Variants in SCFD2 observed in about 807,000 individuals in gnomAD.
SCFD2 encodes the protein sec1 family domain containing 2.
A neutral mutation model predicts 58.9 loss-of-function variants in SCFD2; 54 were observed. The observed-to-expected ratio is 0.92, with a 90% CI of 0.74 to 1.15. The LOEUF is 1.15. Ranked by LOEUF, SCFD2 falls within the 50% of genes most tolerant of loss-of-function variation. The probability of loss-of-function intolerance (pLI) is 0.00; values close to 1 mark genes in which losing one functional copy is unlikely to be tolerated. For synonymous variants in SCFD2, 321 were observed against 335.9 expected, an observed-to-expected ratio of 0.96 and a Z score of 0.49; for missense variants, 805 against 836.6, an observed-to-expected ratio of 0.96 and a Z score of 0.47.
At chr4:53,264,291 G>C (rs1730917036) in intron 4 of SCFD2, among the ~76,000 whole-genome samples, 1 of 152,152 alleles carries the variant, frequency 6.6e-6, no homozygotes, top group South Asian at 2.1e-4. Context: ...TAGTGATCCA[G>C]TTCCTCCAAA....
Position 53,134,298 on chromosome 4 carries a change from G to A in SCFD2, c.1561+11035C>T, listed in dbSNP as rs370211629. Among the ~76,000 whole-genome samples, 42 of 152,050 alleles carry A rather than the reference G, an allele frequency of 2.8e-4. No homozygotes were observed. The East Asian group carries it at 4.1e-3, about 15-fold the overall frequency. On this transcript the variant is annotated intron_variant, in intron 5 of 8. Coordinates refer to ENST00000401642, the MANE Select transcript of SCFD2 (RefSeq NM_152540.4). ...CATGGTGCCTATGGTTAACAATACC[G>A]TATTGTACACTTCAAAACTTAAGAG...
intron 4 of SCFD2, among the ~76,000 whole-genome samples, chr4:53,160,031 G>C (rs1171883243): frequency 1.3e-5 from 2 of 152,186 alleles, no homozygotes; most frequent in Non-Finnish European, 2.9e-5. Flanking sequence ...ATGATAGACT[G>C]GAACTATGGC....
chr4:53,152,980 C>T (rs1387326890), intron 4 of SCFD2, among the ~76,000 whole-genome samples: 1 of 152,204 alleles, frequency 6.6e-6, no homozygotes, highest in Non-Finnish European at 1.5e-5. Context: ...AGGCCTTTGA[C>T]AGCCCTGCCC....
intron 5 of SCFD2, among the ~76,000 whole-genome samples, chr4:53,057,117 G>A (rs1207888236): frequency 6.6e-6 from 1 of 152,104 alleles, no homozygotes; most frequent in Non-Finnish European, 1.5e-5. Context: ...CCTGGGAGGT[G>A]GAGATTGCAG....
chr4:53,273,700 G>A (rs1731243879), intron 4 of SCFD2, 126 bp downstream of exon 4: 15 of 839,400 alleles, frequency 1.8e-5, no homozygotes, highest in Non-Finnish European at 2.6e-5. Context: ...GGCACTTAGA[G>A]AATATGAAGC....
chr4:53,315,246 CAA>C (rs72060767), intron 2 of SCFD2, among the ~76,000 whole-genome samples: 87 of 79,526 alleles, frequency 1.1e-3, no homozygotes, highest in Non-Finnish European at 1.9e-3. Flanking sequence ...AGGAAAATGG[CAA>C]AAAAAAAAAA....
rs187064316 is a variant in SCFD2, at chr4:53,153,733, C to T, written c.1312-8151G>A. Among the ~76,000 whole-genome samples the T allele has an allele frequency of 1.9e-3, 285 of 152,274 alleles. 4 individuals are homozygous for T. Among genetic ancestry groups the T allele is most frequent in the Non-Finnish European group, 2.8e-3 (188 of 68,018 alleles). On this transcript the variant is annotated intron_variant, in intron 4 of 8. Coordinates refer to ENST00000401642, the MANE Select transcript of SCFD2 (RefSeq NM_152540.4). Reference sequence around the variant, plus strand: ...ACTACATGGCCAGATTGTGACTTTTCCAAATTTTTATGCTTTGCTTCCCTT... The same window carrying T: ...ACTACATGGCCAGATTGTGACTTTTTCAAATTTTTATGCTTTGCTTCCCTT...
intron 4 of SCFD2, among the ~76,000 whole-genome samples, chr4:53,247,454 C>T (rs1308245003): frequency 6.6e-6 from 1 of 152,168 alleles, no homozygotes; most frequent in African/African-American, 2.4e-5. Context: ...GTTCATTGCA[C>T]TATTATTCAC....
intron 5 of SCFD2, among the ~76,000 whole-genome samples, chr4:52,980,750 T>A (rs985414307): frequency 7.9e-5 from 12 of 152,170 alleles, no homozygotes; most frequent in Admixed American, 7.2e-4. Context: ...GACAGGTAAA[T>A]ATTATTTACT....
rs1227077734 is a variant in SCFD2 at position 53,247,753 on chromosome 4, C to T, written c.1311+26073G>A. ...GCGGGCGCCTGTAGTCCCAGCTACT[C>T]GGGAGGCTGAGGCAGGAGAATGGCG... is the stretch of plus-strand genomic sequence containing the variant. On this transcript the variant is annotated intron_variant, in intron 4 of 8. Coordinates refer to ENST00000401642, the MANE Select transcript of SCFD2 (RefSeq NM_152540.4). Among the ~76,000 whole-genome samples, 58 of 141,810 alleles carry T rather than the reference C, an allele frequency of 4.1e-4. 1 individual carries two copies. Among genetic ancestry groups the T allele is most frequent in the Non-Finnish European group, 1.7e-4 (11 of 66,046 alleles). The allele number at this position is 141,810 out of a possible 152,430, so 93.0% of individuals were successfully genotyped here.
At chr4:53,254,968 G>A (rs1203676259) in intron 4 of SCFD2, among the ~76,000 whole-genome samples, 2 of 150,444 alleles carry the variant, frequency 1.3e-5, no homozygotes, top group Admixed American at 6.6e-5. Flanking sequence ...CGCCTCCTGG[G>A]TTCACGCCAT....
intron 5 of SCFD2, among the ~76,000 whole-genome samples, chr4:53,056,723 G>A (rs1026127716): frequency 6.6e-6 from 1 of 152,078 alleles, no homozygotes; most frequent in Non-Finnish European, 1.5e-5. Context: ...AATAACTTAT[G>A]TTTCGACATC....
chr4:53,092,577 G>A (rs1415323219), intron 5 of SCFD2, among the ~76,000 whole-genome samples: 1 of 151,934 alleles, frequency 6.6e-6, no homozygotes, highest in African/African-American at 2.4e-5. Context: ...TAAACAAACT[G>A]TGCTACATAT....
chr4:52,975,361 G>A (rs2109557703), intron 5 of SCFD2, among the ~76,000 whole-genome samples: 1 of 152,208 alleles, frequency 6.6e-6, no homozygotes, highest in Non-Finnish European at 1.5e-5. Context: ...GTAGGCGAAG[G>A]ATATGAACAG....
chr4:53,344,370 T>C (rs1733987494), intron 2 of SCFD2, among the ~76,000 whole-genome samples: 2 of 151,918 alleles, frequency 1.3e-5, no homozygotes, highest in South Asian at 4.1e-4. Context: ...GAGAATAAAA[T>C]ACCTAGGAAT....
At chr4:53,114,646 G>A (rs978079864) in intron 5 of SCFD2, among the ~76,000 whole-genome samples, 93 of 152,132 alleles carry the variant, frequency 6.1e-4, no homozygotes, top group African/African-American at 2.1e-3. Context: ...TGAAGGTGAT[G>A]TAGCTATTTT....
intron 5 of SCFD2, among the ~76,000 whole-genome samples, chr4:52,985,343 T>C (rs1240071834): frequency 1.3e-5 from 2 of 152,188 alleles, no homozygotes; most frequent in East Asian, 3.9e-4. Flanking sequence ...TTTGGTTATT[T>C]CCAGTAAATA....
At chr4:53,312,346 A>G (rs1184172917) in intron 3 of SCFD2, among the ~76,000 whole-genome samples, 1 of 152,210 alleles carries the variant, frequency 6.6e-6, no homozygotes, top group African/African-American at 2.4e-5. Flanking sequence ...TTGGATTTGA[A>G]TTCCAGTCCT....
chr4:53,261,265 T>G (rs1461163208), intron 4 of SCFD2, among the ~76,000 whole-genome samples: 1 of 152,178 alleles, frequency 6.6e-6, no homozygotes, highest in Non-Finnish European at 1.5e-5. Context: ...TGTCTTTTCT[T>G]CTGCTGGGTT....
Sources: allele counts gnomAD v4.1 joint callset (sites outside exome capture counted in the v4.1 genomes callset), GRCh38; gene constraint gnomAD v4.1.1; transcripts MANE v1.5; gene names NCBI Gene and HGNC (gene_info 2026-07-23, HGNC 2026-07-21).